The following PPARGC1A variants were observed in gnomAD, a reference collection of about 807,000 sequenced individuals.
The protein encoded by PPARGC1A is peroxisome proliferator-activated receptor gamma coactivator 1-alpha.
PPARGC1A carries 25 observed loss-of-function variants against 88.7 expected under a neutral mutation model. The ratio of observed to expected loss-of-function variants is 0.28; its 90% confidence interval spans 0.21 to 0.39. The LOEUF (loss-of-function observed/expected upper bound fraction) is 0.39. Among genes scored for constraint, PPARGC1A ranks in the 10% least tolerant of loss-of-function variants. The pLI is 1.00. For missense variants in PPARGC1A, 880 were observed against 968.7 expected (o/e 0.91, Z 1.22); for synonymous variants, 363 against 355.6 (o/e 1.02, Z -0.24).
chr4:23,922,713 A>G, the PPARGC1A span, among the ~76,000 whole-genome samples: 1 of 152,200 alleles, frequency 6.6e-6, no homozygotes, highest in South Asian at 2.1e-4. Context: ...CTCATTTTCC[A>G]TCTATGAATG....
the PPARGC1A span, among the ~76,000 whole-genome samples, chr4:24,001,434 A>AT: frequency 2.0e-5 from 3 of 151,624 alleles, no homozygotes; most frequent in South Asian, 2.1e-4. Flanking sequence ...AACTCAAATG[A>AT]TTTTTTTTTC....
At chr4:23,993,338 T>C in the PPARGC1A span, among the ~76,000 whole-genome samples, 20 of 152,084 alleles carry the variant, frequency 1.3e-4, no homozygotes, top group Non-Finnish European at 2.6e-4. Flanking sequence ...CTGTAATGTA[T>C]AGAGAAGATG....
At chr4:24,305,572 G>A in the PPARGC1A span, among the ~76,000 whole-genome samples, 2 of 152,116 alleles carry the variant, frequency 1.3e-5, no homozygotes, top group Non-Finnish European at 2.9e-5. Context: ...CAGCACTTTG[G>A]GAAGCCGAGG....
At chr4:23,954,173 A>G in the PPARGC1A span, among the ~76,000 whole-genome samples, 1 of 152,042 alleles carries the variant, frequency 6.6e-6, no homozygotes. Context: ...AAGAAAAAGT[A>G]TGGGCGAATG....
chr4:23,858,964 A>G (rs1730706156), intron 2 of PPARGC1A, among the ~76,000 whole-genome samples: 1 of 149,246 alleles, frequency 6.7e-6, no homozygotes, highest in Non-Finnish European at 1.5e-5. Context: ...TATATTTTGT[A>G]GAATAAATTA....
chr4:24,125,440 C>T, the PPARGC1A span, among the ~76,000 whole-genome samples: 1 of 152,242 alleles, frequency 6.6e-6, no homozygotes, highest in East Asian at 1.9e-4. Flanking sequence ...GCTCCACACC[C>T]CAAAGCTGCT....
chr4:24,084,000 T>C, the PPARGC1A span, among the ~76,000 whole-genome samples: 1 of 152,188 alleles, frequency 6.6e-6, no homozygotes, highest in African/African-American at 2.4e-5. Context: ...TATCCAAGTT[T>C]GCCCATGAGG....
chr4:23,980,913 T>G, the PPARGC1A span, among the ~76,000 whole-genome samples: 1 of 152,160 alleles, frequency 6.6e-6, no homozygotes. Flanking sequence ...CAGGGAGGTA[T>G]GAATGCATAA....
the PPARGC1A span, among the ~76,000 whole-genome samples, chr4:24,046,155 T>G: frequency 5.1e-3 from 779 of 152,306 alleles, 11 homozygotes; most frequent in African/African-American, 0.018. Context: ...TTTGAGCATG[T>G]CAGAACATAT....
At chr4:23,885,026 T>A in intron 1 of PPARGC1A, 95 bp from the exon 2 acceptor site, 1 of 1,080,602 alleles carries the variant, frequency 9.3e-7, no homozygotes, top group Non-Finnish European at 1.3e-6. Flanking sequence ...TAAGCCTAGT[T>A]AATTCAACTA....
At chr4:23,807,859 T>C (rs1720121492) in intron 10 of PPARGC1A, among the ~76,000 whole-genome samples, 1 of 152,194 alleles carries the variant, frequency 6.6e-6, no homozygotes, top group Non-Finnish European at 1.5e-5. Flanking sequence ...ATCTCTATAA[T>C]TATTCATCTT....
the PPARGC1A span, among the ~76,000 whole-genome samples, chr4:24,134,214 T>C: frequency 6.6e-6 from 1 of 152,234 alleles, no homozygotes; most frequent in Non-Finnish European, 1.5e-5. Flanking sequence ...AAAAGCCAAG[T>C]GGAGTTATCA....
chr4:24,091,739 T>C, the PPARGC1A span: 1 of 666,410 alleles, frequency 1.5e-6, no homozygotes. Context: ...AGATGCCAAC[T>C]GGCCAAGCTG....
chr4:23,917,468 C>T, the PPARGC1A span, among the ~76,000 whole-genome samples: 3 of 151,470 alleles, frequency 2.0e-5, no homozygotes, highest in East Asian at 1.9e-4. Flanking sequence ...GGACTACAGG[C>T]GCCCGCCACC....
At chr4:23,851,991 G>C (rs947068423) in intron 2 of PPARGC1A, among the ~76,000 whole-genome samples, 4 of 152,156 alleles carry the variant, frequency 2.6e-5, no homozygotes, top group African/African-American at 9.7e-5. Context: ...TCCAGGTAAT[G>C]CTCAAGCTGG....
the PPARGC1A span, among the ~76,000 whole-genome samples, chr4:24,467,637 A>T: frequency 6.6e-6 from 1 of 151,910 alleles, no homozygotes; most frequent in Non-Finnish European, 1.5e-5. Flanking sequence ...TTGGCTATCC[A>T]TATTCATGGA....
the PPARGC1A span, among the ~76,000 whole-genome samples, chr4:24,411,672 A>G: frequency 6.6e-6 from 1 of 152,192 alleles, no homozygotes; most frequent in East Asian, 1.9e-4. Flanking sequence ...CCATCTCTTC[A>G]TCTCTCCCTC....
the PPARGC1A span, among the ~76,000 whole-genome samples, chr4:24,122,334 C>A: frequency 6.6e-6 from 1 of 151,102 alleles, no homozygotes; most frequent in East Asian, 1.9e-4. Context: ...GAGGAAGGTG[C>A]TCTAACTTCT....
the PPARGC1A span, among the ~76,000 whole-genome samples, chr4:23,966,020 T>A: frequency 6.9e-6 from 1 of 145,476 alleles, no homozygotes; most frequent in African/African-American, 2.6e-5. Flanking sequence ...ACCCACCATT[T>A]GCAGAGCTCT....
Sources: gnomAD v4.1 joint callset for allele counts (sites outside exome capture counted in the v4.1 genomes callset) on GRCh38, gnomAD v4.1.1 for gene constraint, MANE v1.5 for transcripts, NCBI Gene and HGNC (gene_info 2026-07-23, HGNC 2026-07-21) for gene names.